The following CLASP2 variants were observed in gnomAD, a reference collection of about 807,000 sequenced individuals.
CLASP2 encodes CLIP-associating protein 2.
Under a neutral mutation model 194.4 loss-of-function variants are expected in CLASP2, and 47 were observed. That is an observed-to-expected ratio of 0.24 (90% CI 0.19 to 0.31). The LOEUF is 0.31. CLASP2 is among the 10% of genes least tolerant of loss of function. CLASP2 has a pLI of 1.00. For missense variants in CLASP2, 1,445 were observed against 1,823.6 expected, an observed-to-expected ratio of 0.79 and a Z score of 3.78; for synonymous variants, 619 against 633.5, an observed-to-expected ratio of 0.98 and a Z score of 0.34.
chr3:33,616,088 C>T (rs1425197769), intron 12 of CLASP2, among the ~76,000 whole-genome samples: 3 of 151,210 alleles, frequency 2.0e-5, no homozygotes, highest in Admixed American at 6.6e-5. Flanking sequence ...AATCTCACTA[C>T]AATCAATAAA....
chr3:33,571,221 G>T (rs2063702548), intron 25 of CLASP2, among the ~76,000 whole-genome samples: 1 of 143,600 alleles, frequency 7.0e-6, no homozygotes, highest in Non-Finnish European at 1.5e-5. Flanking sequence ...CACCGTGTTA[G>T]CCAGGATGGT....
At chr3:33,589,028 TGACA>T (rs2068047966) in intron 21 of CLASP2, among the ~76,000 whole-genome samples, 1 of 152,128 alleles carries the variant, frequency 6.6e-6, no homozygotes, top group Non-Finnish European at 1.5e-5. Context: ...TTTCTACTAC[TGACA>T]GTCGAAAATC....
At chr3:33,643,142 T>C (rs1411328110) in intron 8 of CLASP2, among the ~76,000 whole-genome samples, 2 of 151,896 alleles carry the variant, frequency 1.3e-5, no homozygotes, top group East Asian at 1.9e-4. Flanking sequence ...ATATGATTAA[T>C]ATCAGAATGA....
chr3:33,611,853 G>T (rs1207495182), intron 13 of CLASP2, 148 bp downstream of exon 13: 3 of 601,182 alleles, frequency 5.0e-6, no homozygotes, highest in Non-Finnish European at 8.8e-6. Flanking sequence ...CCTTACATGA[G>T]ATATGATTAA....
At chr3:33,519,365 T>C (rs2052325719) in intron 34 of CLASP2, among the ~76,000 whole-genome samples, 1 of 152,134 alleles carries the variant, frequency 6.6e-6, no homozygotes, top group Admixed American at 6.6e-5. Flanking sequence ...CCGATTGTAA[T>C]GTGGGCAGAA....
intron 22 of CLASP2, among the ~76,000 whole-genome samples, chr3:33,583,164 C>A (rs1358539253): frequency 6.6e-6 from 1 of 152,242 alleles, no homozygotes; most frequent in Non-Finnish European, 1.5e-5. Flanking sequence ...TGCAACTAAT[C>A]CAGAGAGAAC....
intron 29 of CLASP2, chr3:33,554,587 G>A (rs2060602698): frequency 6.6e-6 from 1 of 152,314 alleles, no homozygotes. Flanking sequence ...CATCAGCCAG[G>A]AAGATGTTGG....
intron 23 of CLASP2, among the ~76,000 whole-genome samples, chr3:33,577,916 TA>T (rs1027380017): frequency 6.6e-6 from 1 of 152,220 alleles, no homozygotes; most frequent in Non-Finnish European, 1.5e-5. Context: ...GCTGGTTCTT[TA>T]ATCTTAGACT....
chr3:33,638,271 T>C (rs1427488264), intron 8 of CLASP2, among the ~76,000 whole-genome samples: 1 of 152,160 alleles, frequency 6.6e-6, no homozygotes, highest in Non-Finnish European at 1.5e-5. Context: ...GATTTAACAA[T>C]GAGAATGATT....
At chr3:33,655,542 T>C (rs1296080369) in intron 7 of CLASP2, among the ~76,000 whole-genome samples, 7 of 152,180 alleles carry the variant, frequency 4.6e-5, no homozygotes, top group African/African-American at 4.8e-5. Context: ...TTTCACCTTA[T>C]AGACTTCTTT....
intron 23 of CLASP2, among the ~76,000 whole-genome samples, chr3:33,578,537 A>G (rs1259744843): frequency 6.6e-6 from 1 of 152,252 alleles, no homozygotes; most frequent in Non-Finnish European, 1.5e-5. Flanking sequence ...GACAGCCTTA[A>G]TAAACAGGAA....
intron 24 of CLASP2, chr3:33,574,495 A>G: frequency 1.3e-6 from 2 of 1,507,424 alleles, no homozygotes; most frequent in Admixed American, 2.0e-5. Context: ...GTCTCCTAAG[A>G]GCTGAGAGCA....
intron 7 of CLASP2, among the ~76,000 whole-genome samples, chr3:33,646,757 T>C (rs2082339807): frequency 6.6e-6 from 1 of 152,142 alleles, no homozygotes; most frequent in African/African-American, 2.4e-5. Flanking sequence ...AAATCATAAG[T>C]ACACAGCTAA....
At chr3:33,578,169 T>C (rs2065289635) in intron 23 of CLASP2, among the ~76,000 whole-genome samples, 1 of 152,186 alleles carries the variant, frequency 6.6e-6, no homozygotes, top group African/African-American at 2.4e-5. Context: ...GAAAAGTCAA[T>C]ACACCTCATT....
In CLASP2 at chr3:33,507,606, C is replaced by A. The variant is rs546307480; in HGVS notation, c.4317+2952G>T. Among the ~76,000 whole-genome samples, 8 of 152,236 alleles carry A rather than the reference C, an allele frequency of 5.3e-5. No homozygotes were observed. The South Asian group carries it at 1.7e-3, about 32-fold the overall frequency. ...AAGTGATCCTCCCACTTCAGCCCCC[C>A]AAGTAGCTGGGACTACAGGCACATG... On this transcript the variant is annotated intron_variant, in intron 37 of 38. Transcript: ENST00000682230.
Position 33,509,487 on chromosome 3 carries a change from T to C in CLASP2, c.4317+1071A>G, listed in dbSNP as rs538135821. 4.6e-5 allele frequency among the ~76,000 whole-genome samples: 7 copies of C among 152,368 alleles called. No individual in the cohort carries two copies. In the South Asian group the frequency reaches 1.4e-3, roughly 32 times the overall value. ...ACCTTGGCCTCCCAAAGTGCTGGTATTATAGGTGTGAGCCACTGTGCCCAG... is the reference window on the plus strand; with the variant it reads ...ACCTTGGCCTCCCAAAGTGCTGGTACTATAGGTGTGAGCCACTGTGCCCAG... On this transcript the variant is annotated intron_variant, in intron 37 of 38. Coordinates refer to ENST00000682230, the MANE Select transcript of CLASP2 (RefSeq NM_001365631.1).
chr3:33,690,434 A>G (rs1175747826), intron 2 of CLASP2, among the ~76,000 whole-genome samples: 2 of 152,238 alleles, frequency 1.3e-5, no homozygotes, highest in Non-Finnish European at 2.9e-5. Flanking sequence ...ATTAAAAAAT[A>G]ATACACATAA....
chr3:33,596,826 A>C (rs2070527087), intron 18 of CLASP2, 92 bp from the exon 19 acceptor site: 1 of 1,075,326 alleles, frequency 9.3e-7, no homozygotes, highest in African/African-American at 1.6e-5. Context: ...TTCTTTAAGA[A>C]GACAGAATTC....
chr3:33,574,378 C>A, intron 24 of CLASP2: 1 of 748,124 alleles, frequency 1.3e-6, no homozygotes. Context: ...TTTACTTCTA[C>A]TTTGATTTTT....
Sources: allele counts gnomAD v4.1 joint callset (sites outside exome capture counted in the v4.1 genomes callset), GRCh38; gene constraint gnomAD v4.1.1; transcripts MANE v1.5; gene names NCBI Gene and HGNC (gene_info 2026-07-23, HGNC 2026-07-21).